DOK7: variants seen among roughly 807,000 people sequenced by gnomAD.
DOK7 encodes the protein protein Dok-7.
In DOK7, 32 loss-of-function variants were observed where a neutral mutation model predicts 30.7. The observed-to-expected ratio is 1.04, with a 90% CI of 0.79 to 1.40. The LOEUF (loss-of-function observed/expected upper bound fraction) is 1.40, where lower values mean the gene tolerates loss of function less well. Ranked by LOEUF, DOK7 falls within the 40% of genes most tolerant of loss-of-function variation. DOK7 has a pLI of 0.00. For synonymous variants in DOK7, 447 were observed against 324.1 expected, an observed-to-expected ratio of 1.38 and a Z score of -4.07; for missense variants, 1,007 against 699.2, an observed-to-expected ratio of 1.44 and a Z score of -4.97.
intron 6 of DOK7, among the ~76,000 whole-genome samples, chr4:3,490,899 C>T (rs1376308639): frequency 1.7e-5 from 2 of 120,934 alleles, no homozygotes; most frequent in Non-Finnish European, 3.3e-5. Flanking sequence ...TTAATTTCTT[C>T]CTTCTCTCCT....
chr4:3,499,244 GCCCC>G, downstream of DOK7, among the ~76,000 whole-genome samples: 1 of 152,286 alleles, frequency 6.6e-6, no homozygotes, highest in South Asian at 2.1e-4. Flanking sequence ...CTGGATCCCA[GCCCC>G]CACCTGAATT....
In DOK7 at chr4:3,476,633, C is replaced by T. The variant is rs1727111696; in HGVS notation, c.532+91C>T. On this transcript the variant is annotated intron_variant, in intron 4 of 6. Transcript: ENST00000340083. ...GCTTCGGGCCGGCCGACCCCACTTG[C>T]AGGCTGGCCTGCTGGCATTTCCAGA... 8 of 1,527,848 alleles carry T rather than the reference C, an allele frequency of 5.2e-6. No individual in the cohort carries two copies. The South Asian group carries it at 9.0e-5, about 17-fold the overall frequency. 94.6% of individuals were successfully genotyped at this position (1,527,848 alleles called of 1,614,324 possible). A position where few individuals can be genotyped will look rare whatever the true frequency, so the allele number is the denominator to read the frequency against.
At chr4:3,485,443 TTGG>T in intron 4 of DOK7, 93 bp from the exon 5 acceptor site, 1 of 1,380,022 alleles carries the variant, frequency 7.2e-7, no homozygotes, top group South Asian at 1.9e-5. Context: ...TTGTCGGCTC[TTGG>T]TGGAGTTTGC....
At chr4:3,476,296 C>T (rs1417323584) in intron 3 of DOK7, 46 bp from the exon 4 acceptor site, 8 of 1,457,724 alleles carry the variant, frequency 5.5e-6, no homozygotes, top group Non-Finnish European at 6.4e-6. Context: ...GTGATGTCCT[C>T]TCACCCTGCC....
chr4:3,490,405 T>TC (rs1281463112), intron 6 of DOK7, among the ~76,000 whole-genome samples: 1 of 56,870 alleles, frequency 1.8e-5, no homozygotes. Context: ...AGTCCTTCTT[T>TC]CACCCCCCCC....
chr4:3,491,003 T>TC (rs1342479167), intron 6 of DOK7, among the ~76,000 whole-genome samples: 2 of 85,916 alleles, frequency 2.3e-5, no homozygotes, highest in Non-Finnish European at 5.1e-5. Flanking sequence ...ATTCCTTCCT[T>TC]CTTCTTCCTG....
At chr4:3,500,532 G>A (rs1339517147) in intron 7 of DOK7, 4 of 1,475,310 alleles carry the variant, frequency 2.7e-6, no homozygotes, top group Non-Finnish European at 3.6e-6. Context: ...CCCCCAGGAG[G>A]CAAATGTCCC....
In DOK7 at chr4:3,493,153, G is replaced by T; in HGVS notation, c.1167G>T (p.Leu389=). The T allele has an allele frequency of 6.2e-7, 1 of 1,604,808 alleles. No individual in the cohort carries two copies. The highest frequency in any genetic ancestry group is 8.5e-7 in the Non-Finnish European group (1 of 1,177,202). ...GAPEPSLCTC[L]PGTVEYQVPT... ...CCGAGCCCAGCCTGTGCACCTGCCT[G>T]CCCGGGACAGTCGAGTACCAGGTGC... Residue 389 remains leucine (L), a synonymous_variant, in exon 7 of 7, where the codon CTG becomes CTT. Transcript: ENST00000340083.
intron 4 of DOK7, among the ~76,000 whole-genome samples, chr4:3,480,658 A>G (rs1400323859): frequency 6.6e-6 from 1 of 152,232 alleles, no homozygotes; most frequent in African/African-American, 2.4e-5. Context: ...CTCTTGCTAC[A>G]TGAACGCGGC....
At position 3,476,393 on chromosome 4, in the gene DOK7, C is replaced by T. The variant is rs376659660; in HGVS notation, c.383C>T (p.Pro128Leu). 2.5e-5 allele frequency: 40 copies of T among 1,613,106 alleles called. No individual in the cohort carries two copies. The highest frequency in any genetic ancestry group is 6.7e-5 in the East Asian group (3 of 44,864). ...VAPGTKLESG[P>L]ATLHLCNDVL... ...CCAGGCACCAAGTTGGAGAGCGGCC[C>T]GGCTACCCTGCACCTCTGCAATGAT... Residue 128 changes from proline (P) to leucine (L), a missense_variant, in exon 4 of 7, where the codon CCG (proline) becomes CTG (leucine). Coordinates refer to ENST00000340083, the MANE Select transcript of DOK7 (RefSeq NM_173660.5).
chr4:3,475,588 G>A (rs796207788), intron 3 of DOK7, among the ~76,000 whole-genome samples: 5 of 152,190 alleles, frequency 3.3e-5, no homozygotes, highest in African/African-American at 1.2e-4. Context: ...GACCATGGGG[G>A]TGCTCAGGGT....
intron 5 of DOK7, among the ~76,000 whole-genome samples, chr4:3,486,061 C>G (rs773682194): frequency 7.9e-5 from 12 of 152,364 alleles, no homozygotes; most frequent in Non-Finnish European, 1.0e-4. Flanking sequence ...TGGTCTGACT[C>G]TGCAGCTGGG....
intron 5 of DOK7, among the ~76,000 whole-genome samples, chr4:3,487,302 C>G (rs1436971614): frequency 6.6e-6 from 1 of 152,232 alleles, no homozygotes; most frequent in Non-Finnish European, 1.5e-5. Flanking sequence ...GCAGGCTGGA[C>G]TTACTGGAGG....
At position 3,476,979 on chromosome 4, in the gene DOK7, G is replaced by T. The variant is rs550983994; in HGVS notation, c.532+437G>T. 3.9e-5 allele frequency among the ~76,000 whole-genome samples: 6 copies of T among 152,206 alleles called. No homozygotes were observed. The South Asian group carries it at 1.2e-3, about 32-fold the overall frequency. On this transcript the variant is annotated intron_variant, in intron 4 of 6. Transcript: ENST00000340083. ...ATGCCAGCCACCCCGCCTGTGGGCCGCCCAGAGCTGCCCTAATGTCCCCAG... is the reference window on the plus strand; with the variant it reads ...ATGCCAGCCACCCCGCCTGTGGGCCTCCCAGAGCTGCCCTAATGTCCCCAG...
At chr4:3,477,471 C>T (rs1465980092) in intron 4 of DOK7, among the ~76,000 whole-genome samples, 1 of 152,262 alleles carries the variant, frequency 6.6e-6, no homozygotes, top group Non-Finnish European at 1.5e-5. Flanking sequence ...CCTCATCCTG[C>T]AAAGGCCAGC....
intron 3 of DOK7, among the ~76,000 whole-genome samples, chr4:3,474,852 C>T (rs969900355): frequency 1.3e-5 from 2 of 151,980 alleles, no homozygotes; most frequent in Non-Finnish European, 2.9e-5. Context: ...GTGGAGGTTG[C>T]GGTGACCTGA....
intron 6 of DOK7, among the ~76,000 whole-genome samples, chr4:3,492,556 G>A (rs1475176074): frequency 1.3e-5 from 2 of 152,228 alleles, no homozygotes; most frequent in South Asian, 2.1e-4. Flanking sequence ...GGACAGGAAC[G>A]GACAAAGAAC....
downstream of DOK7, among the ~76,000 whole-genome samples, chr4:3,497,365 C>T (rs890313178): frequency 3.9e-5 from 6 of 151,932 alleles, no homozygotes; most frequent in African/African-American, 1.2e-4. Context: ...AAGGGCAGGG[C>T]ATTGGTGCCC....
chr4:3,492,619 G>A (rs555233966), intron 6 of DOK7, 140 bp from the exon 7 acceptor site: 2 of 1,161,432 alleles, frequency 1.7e-6, no homozygotes, highest in South Asian at 1.3e-5. Context: ...GGTTTCTGCT[G>A]TAGGCCCCGG....
Sources: gnomAD v4.1 joint callset for allele counts (sites outside exome capture counted in the v4.1 genomes callset) on GRCh38, gnomAD v4.1.1 for gene constraint, MANE v1.5 for transcripts, NCBI Gene and HGNC (gene_info 2026-07-23, HGNC 2026-07-21) for gene names.